RIPOR3: variants seen among roughly 807,000 people sequenced by gnomAD.
RIPOR3 encodes family with sequence similarity 65 member C.
A neutral mutation model predicts 114.3 loss-of-function variants in RIPOR3; 95 were observed. The ratio of observed to expected loss-of-function variants is 0.83; its 90% confidence interval spans 0.70 to 0.99. RIPOR3 has a LOEUF of 0.99. RIPOR3 is among the 50% of genes least tolerant of loss of function. RIPOR3 has a pLI of 0.00. For missense variants in RIPOR3, 1,252 were observed against 1,266.9 expected (o/e 0.99, Z 0.18); for synonymous variants, 575 against 543.8 (o/e 1.06, Z -0.80).
intron 1 of RIPOR3, among the ~76,000 whole-genome samples, chr20:50,649,148 C>T (rs377261270): frequency 3.9e-5 from 6 of 152,130 alleles, no homozygotes; most frequent in African/African-American, 9.6e-5. Flanking sequence ...AAGGATATGA[C>T]GGTATTGAAT....
chr20:50,688,883 C>A (rs1252342508), intron 1 of RIPOR3, among the ~76,000 whole-genome samples: 1 of 152,148 alleles, frequency 6.6e-6, no homozygotes, highest in African/African-American at 2.4e-5. Context: ...ACTGGGGGAC[C>A]CTGGGGGGAG....
At position 50,586,842 on chromosome 20, in the gene RIPOR3, C is replaced by T. The variant is rs964842818; in HGVS notation, c.*390G>A. Reference sequence around the variant, plus strand: ...GAAGTGCCGAGCAGCTGACCGGCAGCGAGGCCTGGAGTTCTACACACTTGC... The same window carrying T: ...GAAGTGCCGAGCAGCTGACCGGCAGTGAGGCCTGGAGTTCTACACACTTGC... On this transcript the variant is annotated 3_prime_UTR_variant, in exon 22 of 22. Transcript: ENST00000327979. 8.0e-5 allele frequency: 14 copies of T among 174,874 alleles called. No homozygotes were observed. Among genetic ancestry groups the T allele is most frequent in the African/African-American group, 1.9e-4 (8 of 42,004 alleles). 10.8% of individuals were successfully genotyped at this position (174,874 alleles called of 1,614,324 possible). A position where few individuals can be genotyped will look rare whatever the true frequency, so the allele number is the denominator to read the frequency against.
chr20:50,648,874 C>T lies in RIPOR3; in HGVS notation c.4-18018G>A, dbSNP rs142994113. Among the ~76,000 whole-genome samples the T allele has an allele frequency of 2.3e-3, 354 of 152,248 alleles. 5 individuals are homozygous for T. The highest frequency in any genetic ancestry group is 7.5e-3 in the African/African-American group (312 of 41,548). ...GTGGTTCTAAATACAGATGAAGCTT[C>T]GCTTACCTGCCTGCTGCTAACCTCC... On this transcript the variant is annotated intron_variant, in intron 1 of 21. Coordinates refer to ENST00000327979, the MANE Select transcript of RIPOR3 (RefSeq NM_001290268.2).
intron 1 of RIPOR3, among the ~76,000 whole-genome samples, chr20:50,679,135 A>AAAAAAT (rs2086773516): frequency 4.8e-5 from 1 of 20,774 alleles, no homozygotes; most frequent in African/African-American, 1.3e-4. Flanking sequence ...AAAAAAAAAA[A>AAAAAAT]ATATATATAT....
At chr20:50,616,907 C>G (rs574393205) in intron 3 of RIPOR3, among the ~76,000 whole-genome samples, 3 of 152,296 alleles carry the variant, frequency 2.0e-5, no homozygotes, top group Non-Finnish European at 4.4e-5. Context: ...CTTTGGGAGG[C>G]CGAGGTGGGC....
At chr20:50,626,609 T>A (rs947547292) in intron 2 of RIPOR3, among the ~76,000 whole-genome samples, 2 of 152,224 alleles carry the variant, frequency 1.3e-5, no homozygotes, top group Non-Finnish European at 2.9e-5. Flanking sequence ...GTCCCATGGA[T>A]GCAGGACATT....
At chr20:50,658,786 T>C (rs2085900529) in intron 1 of RIPOR3, among the ~76,000 whole-genome samples, 1 of 152,166 alleles carries the variant, frequency 6.6e-6, no homozygotes, top group South Asian at 2.1e-4. Context: ...TAAAAGATGA[T>C]GAAACTAAGG....
At chr20:50,594,749 T>TC in intron 16 of RIPOR3, 35 bp from the exon 17 acceptor site, 1 of 1,589,762 alleles carries the variant, frequency 6.3e-7, no homozygotes, top group South Asian at 1.1e-5. Context: ...GAATGGTGAC[T>TC]CGGGGAGAGC....
At chr20:50,671,428 G>A (rs6096056) in intron 1 of RIPOR3, among the ~76,000 whole-genome samples, 17 of 38,154 alleles carry the variant, frequency 4.5e-4, no homozygotes, top group East Asian at 2.8e-3. Context: ...ACGCGCGCGC[G>A]CACACACACA....
rs143846849 is a variant in RIPOR3 at position 50,593,838 on chromosome 20, G to A, written c.2213-642C>T. On this transcript the variant is annotated intron_variant, in intron 17 of 21. Coordinates refer to ENST00000327979, the MANE Select transcript of RIPOR3 (RefSeq NM_001290268.2). ...TGTCACCTTTCACTTGCTCCACAGA[G>A]AAAGGCAAATTCTGGGGAAGAACGC... Among the ~76,000 whole-genome samples the A allele has an allele frequency of 8.3e-3, 1,260 of 152,258 alleles. 11 individuals carry two copies. The highest frequency in any genetic ancestry group is 0.044 in the Middle Eastern group (13 of 294).
chr20:50,681,374 C>G (rs1251558355), intron 1 of RIPOR3, among the ~76,000 whole-genome samples: 2 of 150,928 alleles, frequency 1.3e-5, no homozygotes, highest in Non-Finnish European at 2.9e-5. Flanking sequence ...CAGAGGTATA[C>G]AGTGAGGTGG....
At chr20:50,615,848 G>A (rs1328159537) in intron 4 of RIPOR3, among the ~76,000 whole-genome samples, 154 bp downstream of exon 4, 1 of 152,204 alleles carries the variant, frequency 6.6e-6, no homozygotes, top group Non-Finnish European at 1.5e-5. Flanking sequence ...GTGCCAAAGT[G>A]AAGTTAACTC....
intron 1 of RIPOR3, among the ~76,000 whole-genome samples, chr20:50,686,703 A>G (rs1411200110): frequency 6.6e-6 from 1 of 151,450 alleles, no homozygotes; most frequent in East Asian, 1.9e-4. Flanking sequence ...GTGAGCTGAG[A>G]TCGCACCACT....
At chr20:50,643,301 T>TGTG (rs57292380) in intron 1 of RIPOR3, among the ~76,000 whole-genome samples, 119 of 121,532 alleles carry the variant, frequency 9.8e-4, no homozygotes, top group Admixed American at 1.1e-3. Flanking sequence ...TTTGTGTGTG[T>TGTG]TTTTTTTTTT....
rs1448594663 is a variant in RIPOR3 at position 50,643,383 on chromosome 20, C to T, written c.4-12527G>A. On this transcript the variant is annotated intron_variant, in intron 1 of 21. Transcript: ENST00000327979. ...AACTCCTGACCTCAAGTGATCCTCC[C>T]GCCTTGGCCTCCCAAAGTGTGGGGA... Among the ~76,000 whole-genome samples the T allele has an allele frequency of 6.0e-5, 9 of 151,212 alleles. No individual in the cohort carries two copies. In the South Asian group the frequency reaches 1.5e-3, roughly 25 times the overall value.
chr20:50,637,006 C>T (rs1305839435), intron 1 of RIPOR3: 1 of 794,780 alleles, frequency 1.3e-6, no homozygotes, highest in Admixed American at 6.2e-5. Context: ...AAAATAGCTC[C>T]TTTGGTTTCG....
chr20:50,608,124 A>G (rs2083793970), intron 11 of RIPOR3, among the ~76,000 whole-genome samples: 1 of 152,158 alleles, frequency 6.6e-6, no homozygotes, highest in South Asian at 2.1e-4. Context: ...GGCCCCGGAA[A>G]GTGTCCCCCC....
At chr20:50,619,926 CAG>C in intron 3 of RIPOR3, 58 bp downstream of exon 3, 1 of 1,566,454 alleles carries the variant, frequency 6.4e-7, no homozygotes, top group African/African-American at 1.4e-5. Flanking sequence ...CAGGAAGAGA[CAG>C]AGAGGAGGCG....
intron 1 of RIPOR3, among the ~76,000 whole-genome samples, chr20:50,631,249 C>T (rs1309035493): frequency 6.6e-6 from 1 of 152,210 alleles, no homozygotes; most frequent in Non-Finnish European, 1.5e-5. Context: ...GGCCAAGTCC[C>T]CCCATCCTCA....
Sources: gnomAD v4.1 joint callset for allele counts (sites outside exome capture counted in the v4.1 genomes callset) on GRCh38, gnomAD v4.1.1 for gene constraint, MANE v1.5 for transcripts, NCBI Gene and HGNC (gene_info 2026-07-23, HGNC 2026-07-21) for gene names.